Variants in KLF15 observed in about 807,000 individuals in gnomAD.
KLF15 encodes KLF transcription factor 15, also known as Krueppel-like factor 15.
In KLF15, 4 loss-of-function variants were observed where a neutral mutation model predicts 24.6. The ratio of observed to expected loss-of-function variants is 0.16; its 90% CI spans 0.08 to 0.37. The LOEUF (loss-of-function observed/expected upper bound fraction) is 0.37. KLF15 is among the 10% of genes least tolerant of loss of function. The pLI, the probability that KLF15 is intolerant of heterozygous loss-of-function variation, is 1.00. For synonymous variants in KLF15, 246 were observed against 236.3 expected (o/e 1.04, Z -0.37); for missense variants, 496 against 560.6 (o/e 0.88, Z 1.16).
the KLF15 span, among the ~76,000 whole-genome samples, chr3:126,308,274 C>G: frequency 6.6e-6 from 1 of 152,194 alleles, no homozygotes; most frequent in Non-Finnish European, 1.5e-5. Context: ...TTGACCACCC[C>G]CAAGGAGCTG....
At chr3:126,293,120 GGCAACATA>G in the KLF15 span, among the ~76,000 whole-genome samples, 1 of 147,736 alleles carries the variant, frequency 6.8e-6, no homozygotes, top group South Asian at 2.2e-4. Flanking sequence ...GACCAGCCTG[GGCAACATA>G]GCAAGACTGC....
At chr3:126,338,705 A>C (rs1478881326), downstream of KLF15, among the ~76,000 whole-genome samples, 1 of 152,186 alleles carries the variant, frequency 6.6e-6, no homozygotes, top group East Asian at 1.9e-4. Context: ...ACACATTTGC[A>C]ATGATTTAGA....
the KLF15 span, among the ~76,000 whole-genome samples, chr3:126,298,742 T>C: frequency 1.3e-5 from 2 of 152,162 alleles, no homozygotes; most frequent in African/African-American, 4.8e-5. Flanking sequence ...TCACTTTATG[T>C]TTTTGTATGC....
Position 126,352,224 on chromosome 3 carries a change from G to A in KLF15, c.699C>T (p.Gly233=), listed in dbSNP as rs1490986321. 1.3e-6 allele frequency: 2 copies of A among 1,537,356 alleles called. No individual in the cohort carries two copies. The highest frequency in any genetic ancestry group is 1.7e-6 in the Non-Finnish European group (2 of 1,145,006). The change falls in exon 2 of 3, where the codon GGC becomes GGT. Residue 233 remains glycine (G), a synonymous_variant. Coordinates refer to ENST00000296233, the MANE Select transcript of KLF15 (RefSeq NM_014079.4). ...IQPVPVKQES[G]TGPASPGQAP... is the part of the protein sequence containing the mutation. ...CTTGCCCAGGGGAGGCAGGCCCTGTGCCCGATTCCTGCTTCACAGGCACGG... is the reference window on the plus strand; with the variant it reads ...CTTGCCCAGGGGAGGCAGGCCCTGTACCCGATTCCTGCTTCACAGGCACGG...
the KLF15 span, among the ~76,000 whole-genome samples, chr3:126,297,952 T>G: frequency 6.6e-6 from 1 of 152,200 alleles, no homozygotes; most frequent in East Asian, 1.9e-4. Flanking sequence ...TCTTTTCCTC[T>G]GGGTAGGTAC....
intron 2 of KLF15, among the ~76,000 whole-genome samples, chr3:126,349,667 C>G (rs966932478): frequency 2.8e-4 from 42 of 152,208 alleles, no homozygotes; most frequent in African/African-American, 9.9e-4. Context: ...CCTGCCCTCC[C>G]CATCACCCTA....
At chr3:126,311,667 T>G in the KLF15 span, among the ~76,000 whole-genome samples, 1 of 152,216 alleles carries the variant, frequency 6.6e-6, no homozygotes, top group South Asian at 2.1e-4. Context: ...GGCTGAGGAC[T>G]TACATCCTCC....
chr3:126,305,143 C>A, the KLF15 span, among the ~76,000 whole-genome samples: 1 of 152,110 alleles, frequency 6.6e-6, no homozygotes, highest in Non-Finnish European at 1.5e-5. Context: ...TTAGGCCACA[C>A]GATGAAAGCT....
the KLF15 span, among the ~76,000 whole-genome samples, chr3:126,301,232 G>T: frequency 6.7e-6 from 1 of 150,156 alleles, no homozygotes. Flanking sequence ...GGGCCCATGA[G>T]CACAAGGTTT....
chr3:126,313,152 G>A, the KLF15 span, among the ~76,000 whole-genome samples: 12,852 of 152,196 alleles, frequency 0.084, 714 homozygotes, highest in African/African-American at 0.16. Flanking sequence ...AGAAGAGGGG[G>A]TTGGGACACA....
the KLF15 span, among the ~76,000 whole-genome samples, chr3:126,300,147 C>T: frequency 9.9e-5 from 15 of 152,090 alleles, no homozygotes; most frequent in Non-Finnish European, 1.6e-4. Context: ...CTTCAGGCTA[C>T]AATGAGTCAG....
chr3:126,352,597 C>A lies in KLF15; in HGVS notation c.326G>T (p.Arg109Leu), dbSNP rs776079883. The change falls in exon 2 of 3, where the codon CGA becomes CTA. Residue 109 changes from arginine (R) to leucine (L), a missense_variant. Transcript: ENST00000296233. Reference sequence around the variant, plus strand: ...CCCCTTCACAGGGGCCGCTGCCCTTCGCCAGGGCCCCCAGGCCACGGGGCC... The same window carrying A: ...CCCCTTCACAGGGGCCGCTGCCCTTAGCCAGGGCCCCCAGGCCACGGGGCC... ...SSGPVAWGPW[R>L]RAAAPVKGEH... 5 of 1,611,056 alleles carry A rather than the reference C, an allele frequency of 3.1e-6. No individual in the cohort carries two copies. The highest frequency in any genetic ancestry group is 4.2e-6 in the Non-Finnish European group (5 of 1,179,414).
the KLF15 span, among the ~76,000 whole-genome samples, chr3:126,307,424 CTG>C: frequency 6.6e-6 from 1 of 152,216 alleles, no homozygotes; most frequent in East Asian, 1.9e-4. Flanking sequence ...AGGACAAAGA[CTG>C]TGCAACAGGG....
chr3:126,321,961 A>G, the KLF15 span, among the ~76,000 whole-genome samples: 1 of 152,200 alleles, frequency 6.6e-6, no homozygotes, highest in Non-Finnish European at 1.5e-5. Flanking sequence ...GGCAAGTGAC[A>G]GCCCCTCCAC....
At chr3:126,320,991 T>C in the KLF15 span, among the ~76,000 whole-genome samples, 1 of 151,970 alleles carries the variant, frequency 6.6e-6, no homozygotes, top group South Asian at 2.1e-4. Context: ...CAGGAGGGCA[T>C]GGTAAGCTTC....
At chr3:126,344,090 AT>A (rs1222081563) in intron 2 of KLF15, among the ~76,000 whole-genome samples, 195 bp from the exon 3 acceptor site, 7 of 150,200 alleles carry the variant, frequency 4.7e-5, no homozygotes, top group East Asian at 2.0e-4. Context: ...TCAAAATACC[AT>A]TTTTTTTTCT....
the KLF15 span, among the ~76,000 whole-genome samples, chr3:126,319,520 T>C: frequency 6.6e-6 from 1 of 152,228 alleles, no homozygotes; most frequent in Non-Finnish European, 1.5e-5. Context: ...CCTGATGACA[T>C]ATGATGTTGA....
chr3:126,355,207 G>C (rs1560042839), intron 1 of KLF15, among the ~76,000 whole-genome samples: 1 of 152,236 alleles, frequency 6.6e-6, no homozygotes, highest in Non-Finnish European at 1.5e-5. Context: ...TGATCATATT[G>C]TGGTTAAAGG....
At chr3:126,338,386 T>G (rs1308292052), downstream of KLF15, among the ~76,000 whole-genome samples, 2 of 152,234 alleles carry the variant, frequency 1.3e-5, no homozygotes, top group African/African-American at 2.4e-5. Context: ...AACAGACAGG[T>G]GTCCTTCTTT....
Sources: allele counts gnomAD v4.1 joint callset (sites outside exome capture counted in the v4.1 genomes callset), GRCh38; gene constraint gnomAD v4.1.1; transcripts MANE v1.5; gene names NCBI Gene and HGNC (gene_info 2026-07-23, HGNC 2026-07-21).